RARB: variants seen among roughly 807,000 people sequenced by gnomAD.
The protein encoded by RARB is retinoic acid receptor beta.
RARB carries 17 observed loss-of-function variants against 51.9 expected under a neutral mutation model. The ratio of observed to expected loss-of-function variants is 0.33; its 90% CI spans 0.22 to 0.49. The LOEUF is 0.49. Among genes scored for constraint, RARB ranks in the 20% least tolerant of loss-of-function variants. The pLI is 0.99. For missense variants in RARB, 369 were observed against 550.8 expected (o/e 0.67, Z 3.30); for synonymous variants, 215 against 195.4 (o/e 1.10, Z -0.84).
chr3:25,163,722 C>T lies in RARB; in HGVS notation c.-279-10397C>T, dbSNP rs550088626. On this transcript the variant is annotated intron_variant, in intron 4 of 11. Coordinates refer to the RARB transcript ENST00000383772. ...GGACCCCGTTCCCTCACTCTCAGGCCCCACCAAGCCACTAGACGCTGGGGA... is the reference window on the plus strand; with the variant it reads ...GGACCCCGTTCCCTCACTCTCAGGCTCCACCAAGCCACTAGACGCTGGGGA... 9.2e-5 allele frequency among the ~76,000 whole-genome samples: 14 copies of T among 151,900 alleles called. No individual in the cohort carries two copies. In the South Asian group the frequency reaches 2.5e-3, roughly 27 times the overall value.
chr3:25,048,943 G>T (rs1209526292), intron 2 of RARB, among the ~76,000 whole-genome samples: 3 of 151,850 alleles, frequency 2.0e-5, no homozygotes, highest in African/African-American at 4.8e-5. Context: ...TAGTAGAGAC[G>T]GGGTTTCACC....
At chr3:25,364,435 T>G (rs192977800) in intron 5 of RARB, among the ~76,000 whole-genome samples, 3 of 152,348 alleles carry the variant, frequency 2.0e-5, no homozygotes, top group South Asian at 4.1e-4. Context: ...TCTGCAAATT[T>G]ACACAAAATG....
chr3:25,376,739 T>C (rs946475252), intron 5 of RARB, among the ~76,000 whole-genome samples: 1 of 152,206 alleles, frequency 6.6e-6, no homozygotes, highest in Non-Finnish European at 1.5e-5. Context: ...CAAGAATTGT[T>C]TGGCTCATTG....
chr3:25,515,584 G>T (rs891739092), intron 3 of RARB, among the ~76,000 whole-genome samples: 3 of 152,126 alleles, frequency 2.0e-5, no homozygotes, highest in Admixed American at 2.0e-4. Flanking sequence ...TCAAATCATG[G>T]AATATGCTTA....
chr3:25,221,365 C>T (rs904525394), intron 5 of RARB, among the ~76,000 whole-genome samples: 1 of 152,204 alleles, frequency 6.6e-6, no homozygotes, highest in African/African-American at 2.4e-5. Context: ...TTATGTCTTA[C>T]ATAACACAGG....
intron 2 of RARB, among the ~76,000 whole-genome samples, chr3:24,998,541 G>C (rs546172921): frequency 6.8e-4 from 103 of 152,062 alleles, no homozygotes; most frequent in Admixed American, 1.6e-3. Flanking sequence ...GTTCAGAACA[G>C]CTGTTTGAAG....
chr3:24,871,956 T>G (rs1218082190), intron 2 of RARB, among the ~76,000 whole-genome samples: 1 of 152,186 alleles, frequency 6.6e-6, no homozygotes, highest in Non-Finnish European at 1.5e-5. Context: ...CACCCTGGTC[T>G]GATCCACGGT....
At chr3:25,554,868 G>A (rs1026786931) in intron 3 of RARB, among the ~76,000 whole-genome samples, 2 of 152,098 alleles carry the variant, frequency 1.3e-5, no homozygotes, top group Non-Finnish European at 1.5e-5. Context: ...AGAGGATTGG[G>A]TGTGTTAACA....
At chr3:24,949,157 C>G (rs1057400154) in intron 2 of RARB, among the ~76,000 whole-genome samples, 2 of 152,166 alleles carry the variant, frequency 1.3e-5, no homozygotes, top group African/African-American at 2.4e-5. Context: ...ACTTCCTACT[C>G]CCCGTCTTTT....
At chr3:25,300,024 A>G (rs1704003773) in intron 5 of RARB, among the ~76,000 whole-genome samples, 1 of 152,222 alleles carries the variant, frequency 6.6e-6, no homozygotes, top group Non-Finnish European at 1.5e-5. Context: ...TTCGATTTCA[A>G]CACTAAGCTC....
chr3:25,392,713 G>A (rs1167206948), intron 5 of RARB, among the ~76,000 whole-genome samples: 1 of 152,038 alleles, frequency 6.6e-6, no homozygotes, highest in African/African-American at 2.4e-5. Context: ...GCATAGCAGT[G>A]CTACTGATTT....
chr3:25,593,878 T>C (rs1181087350), intron 6 of RARB, among the ~76,000 whole-genome samples, 171 bp downstream of exon 6: 1 of 152,210 alleles, frequency 6.6e-6, no homozygotes. Context: ...TGTTACAAAT[T>C]AACTAATGGT....
intron 2 of RARB, among the ~76,000 whole-genome samples, chr3:25,012,451 G>A (rs1697419595): frequency 6.6e-6 from 1 of 152,104 alleles, no homozygotes; most frequent in Non-Finnish European, 1.5e-5. Context: ...CAGATCATCA[G>A]CCAGGTTCAG....
intron 3 of RARB, among the ~76,000 whole-genome samples, chr3:25,123,776 C>A (rs902426539): frequency 9.9e-5 from 15 of 152,158 alleles, no homozygotes; most frequent in African/African-American, 3.4e-4. Flanking sequence ...GAAAATCTAT[C>A]TTTTCAACCA....
chr3:25,325,070 A>T (rs1704674746), intron 5 of RARB, among the ~76,000 whole-genome samples: 2 of 152,192 alleles, frequency 1.3e-5, no homozygotes, highest in African/African-American at 4.8e-5. Flanking sequence ...TAGACTAAGG[A>T]TACTTAGTTA....
intron 5 of RARB, 145 bp downstream of exon 5, chr3:25,580,867 T>TC: frequency 1.1e-5 from 9 of 829,902 alleles, no homozygotes; most frequent in African/African-American, 3.4e-5. Context: ...GTAGGTGGAC[T>TC]CACCTAGCCT....
intron 5 of RARB, among the ~76,000 whole-genome samples, chr3:25,391,029 A>T (rs74593305): frequency 2.0e-5 from 3 of 151,994 alleles, no homozygotes; most frequent in African/African-American, 7.3e-5. Context: ...GCAATGTGAA[A>T]TCTTTCATCC....
chr3:25,049,810 C>T (rs1201319679), intron 2 of RARB, among the ~76,000 whole-genome samples: 1 of 152,216 alleles, frequency 6.6e-6, no homozygotes, highest in African/African-American at 2.4e-5. Flanking sequence ...TTCAGTTAAT[C>T]ACTTGAAACT....
intron 5 of RARB, among the ~76,000 whole-genome samples, chr3:25,250,585 C>T (rs1038858416): frequency 3.3e-5 from 5 of 152,104 alleles, no homozygotes; most frequent in African/African-American, 9.7e-5. Flanking sequence ...TCATGATTCA[C>T]GCCTGGTGGC....
Sources: gnomAD v4.1 joint callset for allele counts (sites outside exome capture counted in the v4.1 genomes callset) on GRCh38, gnomAD v4.1.1 for gene constraint, MANE v1.5 for transcripts, NCBI Gene and HGNC (gene_info 2026-07-23, HGNC 2026-07-21) for gene names.